SHANK2: variants seen among roughly 807,000 people sequenced by gnomAD.
The protein encoded by SHANK2 is SH3 and multiple ankyrin repeat domains protein 2.
Under a neutral mutation model 133.7 loss-of-function variants are expected in SHANK2, and 43 were observed. The ratio of observed to expected loss-of-function variants is 0.32; its 90% CI spans 0.25 to 0.41. SHANK2 has a LOEUF of 0.41. Among genes scored for constraint, SHANK2 ranks in the 10% least tolerant of loss-of-function variants. The probability of loss-of-function intolerance (pLI) is 1.00; values close to 1 mark genes in which losing one functional copy is unlikely to be tolerated. For missense variants in SHANK2, 1,994 were observed against 2,235.8 expected (o/e 0.89, Z 2.18); for synonymous variants, 1,017 against 952.8 (o/e 1.07, Z -1.24).
chr11:70,943,086 T>C (rs1407344441), intron 10 of SHANK2: 10 of 456,682 alleles, frequency 2.2e-5, no homozygotes, highest in Non-Finnish European at 4.0e-5. Context: ...ACTTCGGCTC[T>C]GAGGGGTGGG....
chr11:70,916,654 C>A (rs1365773952), intron 10 of SHANK2, among the ~76,000 whole-genome samples: 1 of 152,048 alleles, frequency 6.6e-6, no homozygotes, highest in African/African-American at 2.4e-5. Flanking sequence ...GGCAAGAAGC[C>A]CCCTCGCCCT....
intron 1 of SHANK2, among the ~76,000 whole-genome samples, chr11:71,229,392 C>T (rs1954698577): frequency 1.3e-5 from 2 of 152,174 alleles, no homozygotes; most frequent in Non-Finnish European, 2.9e-5. Context: ...ACCAGATCAA[C>T]ATATTAAAAT....
chr11:70,921,491 A>C (rs1269668318), intron 10 of SHANK2, among the ~76,000 whole-genome samples: 1 of 152,254 alleles, frequency 6.6e-6, no homozygotes, highest in Non-Finnish European at 1.5e-5. Context: ...TGTCTGGGCT[A>C]GAGGAAGGAG....
chr11:70,913,121 C>T (rs1301543411), intron 10 of SHANK2, among the ~76,000 whole-genome samples: 1 of 150,366 alleles, frequency 6.7e-6, no homozygotes, highest in African/African-American at 2.4e-5. Flanking sequence ...CATCCTCTCA[C>T]AGCCTCCTGG....
chr11:70,477,553 T>G (rs373663582), intron 25 of SHANK2: 1 of 152,040 alleles, frequency 6.6e-6, no homozygotes, highest in Non-Finnish European at 1.5e-5. Context: ...AGAAGCAGCT[T>G]ATTGCCAATT....
intron 10 of SHANK2, among the ~76,000 whole-genome samples, chr11:70,901,895 C>T (rs1480973616): frequency 1.3e-5 from 2 of 152,178 alleles, no homozygotes; most frequent in Non-Finnish European, 2.9e-5. Context: ...GCACAGAAGG[C>T]ATCGACTGGT....
At chr11:71,093,086 C>A in intron 7 of SHANK2, among the ~76,000 whole-genome samples, 1 of 142,988 alleles carries the variant, frequency 7.0e-6, no homozygotes, top group South Asian at 2.3e-4. Context: ...TAGACAACTA[C>A]ATTTCTAGTT....
rs144096567 is a variant in SHANK2 at position 70,532,801 on chromosome 11, C to T, written c.2062-29870G>A. ...TTCAGAGCAGGGTCTTAGACCGACA[C>T]GTGCGCATGAGTGTCCACAGCAGCA... On this transcript the variant is annotated intron_variant, in intron 17 of 25. Transcript: ENST00000601538. Among the ~76,000 whole-genome samples, 248 of 152,298 alleles carry T rather than the reference C, an allele frequency of 1.6e-3. 1 individual carries two copies. The highest frequency in any genetic ancestry group is 3.8e-3 in the Admixed American group (58 of 15,294).
intron 14 of SHANK2, among the ~76,000 whole-genome samples, chr11:70,789,210 G>A (rs1947733305): frequency 1.3e-5 from 2 of 152,034 alleles, no homozygotes; most frequent in South Asian, 4.2e-4. Flanking sequence ...GAATAAGCGG[G>A]GATCATAAAG....
chr11:70,741,931 C>A (rs782303939), intron 14 of SHANK2, among the ~76,000 whole-genome samples: 18 of 152,208 alleles, frequency 1.2e-4, no homozygotes, highest in Non-Finnish European at 2.2e-4. Context: ...CTGGTGGACC[C>A]TGAGAACTGT....
rs575191877 is a variant in SHANK2 at position 71,238,038 on chromosome 11, G to C, written c.-112-13242C>G. 9.2e-5 allele frequency among the ~76,000 whole-genome samples: 14 copies of C among 152,276 alleles called. No individual in the cohort carries two copies. The South Asian group carries it at 2.5e-3, about 27-fold the overall frequency. ...CCAGGCCCTGCATACATGCACACAC[G>C]GACTGAGGGTGGGACTCAGGGGGCC... On this transcript the variant is annotated intron_variant, in intron 1 of 25. Coordinates refer to ENST00000601538, the MANE Select transcript of SHANK2 (RefSeq NM_012309.5).
intron 17 of SHANK2, among the ~76,000 whole-genome samples, chr11:70,605,428 C>T (rs2060563128): frequency 6.6e-6 from 1 of 152,230 alleles, no homozygotes; most frequent in South Asian, 2.1e-4. Flanking sequence ...CCTGTGACCA[C>T]TCATGTTTAG....
chr11:70,745,949 G>A (rs1317615268), intron 14 of SHANK2, among the ~76,000 whole-genome samples: 1 of 152,222 alleles, frequency 6.6e-6, no homozygotes, highest in Non-Finnish European at 1.5e-5. Context: ...GAAACCATTT[G>A]GGCGCATTTA....
chr11:71,214,069 G>A (rs569592820), intron 2 of SHANK2, among the ~76,000 whole-genome samples: 7 of 152,286 alleles, frequency 4.6e-5, no homozygotes, highest in African/African-American at 1.7e-4. Context: ...GCCTGCTGCA[G>A]TGACTCACCT....
intron 3 of SHANK2, among the ~76,000 whole-genome samples, chr11:71,123,468 C>A (rs1480279665): frequency 6.6e-5 from 10 of 152,100 alleles, no homozygotes; most frequent in Admixed American, 2.6e-4. Flanking sequence ...GAGGGATATG[C>A]GAGTCTGGGG....
At chr11:71,149,728 C>G (rs9888299) in intron 2 of SHANK2, among the ~76,000 whole-genome samples, 41,547 of 135,238 alleles carry the variant, frequency 0.31, 7,184 homozygotes, top group African/African-American at 0.49. Context: ...TGTGGATACG[C>G]AAGAGGGAGG....
At chr11:70,599,816 A>AAG (rs2060455354) in intron 17 of SHANK2, among the ~76,000 whole-genome samples, 1 of 136,530 alleles carries the variant, frequency 7.3e-6, no homozygotes, top group South Asian at 2.5e-4. Context: ...AAGAAGAGGG[A>AAG]GAAGGAAGGA....
At chr11:70,525,196 G>A (rs1332338041) in intron 17 of SHANK2, among the ~76,000 whole-genome samples, 1 of 152,266 alleles carries the variant, frequency 6.6e-6, no homozygotes, top group Non-Finnish European at 1.5e-5. Flanking sequence ...GGACTTGGGA[G>A]CGCATCCAGG....
At chr11:71,140,206 T>G (rs374293702) in intron 3 of SHANK2, among the ~76,000 whole-genome samples, 1 of 152,222 alleles carries the variant, frequency 6.6e-6, no homozygotes, top group African/African-American at 2.4e-5. Flanking sequence ...TTGTTTGTCT[T>G]GAACAGAGTG....
Sources: allele counts gnomAD v4.1 joint callset (sites outside exome capture counted in the v4.1 genomes callset), GRCh38; gene constraint gnomAD v4.1.1; transcripts MANE v1.5; gene names NCBI Gene and HGNC (gene_info 2026-07-23, HGNC 2026-07-21).